The following CCSER1 variants were observed in gnomAD, a reference collection of about 807,000 sequenced individuals.
CCSER1 encodes serine-rich coiled-coil domain-containing protein 1.
Under a neutral mutation model 82.0 loss-of-function variants are expected in CCSER1, and 41 were observed. The observed-to-expected ratio is 0.50, with a 90% CI of 0.39 to 0.65. The LOEUF (loss-of-function observed/expected upper bound fraction) is 0.65, where lower values mean the gene tolerates loss of function less well. Ranked by LOEUF, CCSER1 falls within the 30% of genes least tolerant of loss-of-function variation. The pLI is 0.00. For synonymous variants in CCSER1, 414 were observed against 383.9 expected, an observed-to-expected ratio of 1.08 and a Z score of -0.92; for missense variants, 1,119 against 1,064.2, an observed-to-expected ratio of 1.05 and a Z score of -0.72.
At chr4:91,337,577 G>T (rs1249866424) in intron 10 of CCSER1, among the ~76,000 whole-genome samples, 3 of 151,984 alleles carry the variant, frequency 2.0e-5, no homozygotes, top group Admixed American at 2.0e-4. Context: ...CTGTTTGTCT[G>T]CTGAGTCTTT....
At chr4:91,276,311 T>C (rs1742440024) in intron 10 of CCSER1, among the ~76,000 whole-genome samples, 1 of 135,482 alleles carries the variant, frequency 7.4e-6, no homozygotes, top group South Asian at 2.3e-4. Context: ...TTTTTTTTTT[T>C]GTCCTCAACT....
chr4:90,146,460 C>T (rs1725826337), intron 1 of CCSER1, among the ~76,000 whole-genome samples: 1 of 151,908 alleles, frequency 6.6e-6, no homozygotes, highest in Non-Finnish European at 1.5e-5. Flanking sequence ...CTGAATTAGC[C>T]TAGAAAAACA....
At chr4:91,453,388 G>A (rs962314115) in intron 10 of CCSER1, among the ~76,000 whole-genome samples, 5 of 151,960 alleles carry the variant, frequency 3.3e-5, no homozygotes, top group African/African-American at 1.2e-4. Flanking sequence ...CAGGTCATTT[G>A]TATCTCAGGC....
rs1053724444 is a variant in CCSER1, at chr4:90,941,899, A to T, written c.2172+18452A>T. On this transcript the variant is annotated intron_variant, in intron 9 of 10. Coordinates refer to ENST00000509176, the MANE Select transcript of CCSER1 (RefSeq NM_001145065.2). ...CTATTCTTTCTTGGTGTTAATAAGC[A>T]TTAAGAGTTGTTAGAATATCCTGTC... Among the ~76,000 whole-genome samples, 4 of 152,122 alleles carry T rather than the reference A, an allele frequency of 2.6e-5. No individual in the cohort carries two copies. The South Asian group carries it at 8.3e-4, about 32-fold the overall frequency.
At chr4:90,911,887 A>C (rs1031295300) in intron 8 of CCSER1, among the ~76,000 whole-genome samples, 4 of 152,150 alleles carry the variant, frequency 2.6e-5, no homozygotes, top group African/African-American at 9.7e-5. Flanking sequence ...CATTGCTAGC[A>C]CAGCAGTCTG....
intron 6 of CCSER1, among the ~76,000 whole-genome samples, chr4:90,646,630 C>T (rs1330343438): frequency 6.6e-6 from 1 of 152,140 alleles, no homozygotes; most frequent in Non-Finnish European, 1.5e-5. Context: ...ATTGTCAGGT[C>T]TATCCTGCTT....
chr4:90,505,220 A>G (rs1770515874), intron 5 of CCSER1, among the ~76,000 whole-genome samples: 1 of 152,262 alleles, frequency 6.6e-6, no homozygotes, highest in African/African-American at 2.4e-5. Context: ...AGAAGGGGCA[A>G]CAGATGGGCT....
chr4:90,735,775 A>G (rs1745535216), intron 7 of CCSER1, among the ~76,000 whole-genome samples: 1 of 151,780 alleles, frequency 6.6e-6, no homozygotes, highest in South Asian at 2.1e-4. Context: ...GTTCTTTTCT[A>G]GTTCTTTAAA....
intron 6 of CCSER1, among the ~76,000 whole-genome samples, chr4:90,714,226 G>A (rs58139567): frequency 6.6e-6 from 1 of 151,728 alleles, no homozygotes. Context: ...TTGGAATTTT[G>A]TTCCTTTTTC....
chr4:90,450,446 G>A (rs62312944), intron 4 of CCSER1, among the ~76,000 whole-genome samples: 6,021 of 152,260 alleles, frequency 0.04, 191 homozygotes, highest in Non-Finnish European at 0.06. Context: ...GAATAAAGGG[G>A]CCTTGACAAA....
At chr4:90,796,083 T>C (rs1444041718) in intron 7 of CCSER1, among the ~76,000 whole-genome samples, 1 of 152,150 alleles carries the variant, frequency 6.6e-6, no homozygotes, top group Non-Finnish European at 1.5e-5. Context: ...GCTCTTCCTG[T>C]ACATCTAGTG....
chr4:90,991,124 G>T (rs75189244), intron 9 of CCSER1, among the ~76,000 whole-genome samples: 1 of 151,704 alleles, frequency 6.6e-6, no homozygotes, highest in African/African-American at 2.4e-5. Context: ...CTGTTCTTTT[G>T]TCTCTTCCAA....
intron 10 of CCSER1, among the ~76,000 whole-genome samples, chr4:91,542,736 T>C (rs1224991781): frequency 6.6e-6 from 1 of 152,212 alleles, no homozygotes; most frequent in Admixed American, 6.5e-5. Flanking sequence ...GTGGTCAATT[T>C]TGGAATAAGT....
At chr4:90,969,053 C>T (rs1198381545) in intron 9 of CCSER1, among the ~76,000 whole-genome samples, 1 of 151,496 alleles carries the variant, frequency 6.6e-6, no homozygotes, top group Non-Finnish European at 1.5e-5. Context: ...TGAGCAGACT[C>T]AAGCAGAAGA....
chr4:91,084,655 C>T (rs1723174700), intron 9 of CCSER1, among the ~76,000 whole-genome samples: 1 of 152,102 alleles, frequency 6.6e-6, no homozygotes, highest in South Asian at 2.1e-4. Context: ...TTCTTTGTCA[C>T]ATATAATTTA....
chr4:90,333,564 G>T (rs1739783135), intron 3 of CCSER1, among the ~76,000 whole-genome samples: 1 of 152,190 alleles, frequency 6.6e-6, no homozygotes, highest in African/African-American at 2.4e-5. Flanking sequence ...GTCTTAATCA[G>T]ACCGTGAAGT....
At chr4:90,153,052 C>T (rs1283745662) in intron 1 of CCSER1, among the ~76,000 whole-genome samples, 1 of 125,164 alleles carries the variant, frequency 8.0e-6, no homozygotes, top group Non-Finnish European at 1.6e-5. Flanking sequence ...CACCCCACCA[C>T]AGTCCCCAGA....
Position 91,398,427 on chromosome 4 carries a change from A to T in CCSER1, c.2218-200145A>T, listed in dbSNP as rs1023237781. On this transcript the variant is annotated intron_variant, in intron 10 of 10. Coordinates refer to ENST00000509176, the MANE Select transcript of CCSER1 (RefSeq NM_001145065.2). ...GCATTGTTTAAATATTATATTTAAA[A>T]TACTTTAAATTAAAAGTTAAATAGT... 3.3e-5 allele frequency among the ~76,000 whole-genome samples: 5 copies of T among 151,964 alleles called. 1 individual carries two copies. The East Asian group carries it at 9.6e-4, about 29-fold the overall frequency.
chr4:91,068,514 CT>C (rs1581468417), intron 9 of CCSER1, among the ~76,000 whole-genome samples: 1 of 152,042 alleles, frequency 6.6e-6, no homozygotes, highest in East Asian at 1.9e-4. Context: ...TTAACACAAT[CT>C]GATTTATTTG....
Sources: gnomAD v4.1 joint callset for allele counts (sites outside exome capture counted in the v4.1 genomes callset) on GRCh38, gnomAD v4.1.1 for gene constraint, MANE v1.5 for transcripts, NCBI Gene and HGNC (gene_info 2026-07-23, HGNC 2026-07-21) for gene names.